ENTPD1: variants seen among roughly 807,000 people sequenced by gnomAD.
The protein encoded by ENTPD1 is ATP diphosphohydrolase.
Under a neutral mutation model 57.0 loss-of-function variants are expected in ENTPD1, and 33 were observed. The ratio of observed to expected loss-of-function variants is 0.58; its 90% confidence interval spans 0.44 to 0.77. The LOEUF (loss-of-function observed/expected upper bound fraction) is 0.77, where lower values mean the gene tolerates loss of function less well. Among genes scored for constraint, ENTPD1 ranks in the 30% least tolerant of loss-of-function variants. The pLI is 0.00. For synonymous variants in ENTPD1, 202 were observed against 218.8 expected, an observed-to-expected ratio of 0.92 and a Z score of 0.68; for missense variants, 501 against 603.4, an observed-to-expected ratio of 0.83 and a Z score of 1.78.
intron 7 of ENTPD1, among the ~76,000 whole-genome samples, chr10:95,853,000 G>A (rs1306112838): frequency 1.3e-5 from 2 of 152,158 alleles, no homozygotes; most frequent in Non-Finnish European, 2.9e-5. Flanking sequence ...GGATGGCATT[G>A]AATCTATAAA....
In ENTPD1 at chr10:95,870,424, A is replaced by T. The variant is rs2141024314; in HGVS notation, c.*4041A>T. ...TGTGCACCTAAGTAGCTAGGACTAC[A>T]GGTGTGCACCACCATGTCTAGCTAT... On this transcript the variant is annotated 3_prime_UTR_variant, in exon 10 of 10. Transcript: ENST00000371205. 1 of 674,856 alleles carries T rather than the reference A, an allele frequency of 1.5e-6. No homozygotes were observed. Among genetic ancestry groups the T allele is most frequent in the Non-Finnish European group, 1.8e-6 (1 of 546,784 alleles). 41.8% of individuals were successfully genotyped at this position (674,856 alleles called of 1,614,324 possible).
chr10:95,808,968 ATCTTGCACCACCC>A (rs1394518244), intron 1 of ENTPD1, among the ~76,000 whole-genome samples: 1 of 152,154 alleles, frequency 6.6e-6, no homozygotes, highest in Admixed American at 6.5e-5. Flanking sequence ...AACAAAGCAC[ATCTTGCACCACCC>A]TTAATCCATT....
At position 95,873,543 on chromosome 10, in the gene ENTPD1, T is replaced by A. The variant is rs562738371; in HGVS notation, c.*7160T>A. 1.7e-5 allele frequency: 17 copies of A among 985,332 alleles called. No homozygotes were observed. The South Asian group carries it at 6.1e-4, about 35-fold the overall frequency. The allele number at this position is 985,332 out of a possible 1,614,324, so 61.0% of individuals were successfully genotyped here. ...AGGCCCATAGGAAAGAGTAGGTAGG[T>A]TATGCCAGCTCACACGCATCCTTTA... On this transcript the variant is annotated 3_prime_UTR_variant, in exon 10 of 10. Coordinates refer to ENST00000371205, the MANE Select transcript of ENTPD1 (RefSeq NM_001776.6).
intron 1 of ENTPD1, among the ~76,000 whole-genome samples, chr10:95,724,138 G>A (rs543019375): frequency 7.0e-6 from 1 of 141,980 alleles, no homozygotes; most frequent in Non-Finnish European, 1.5e-5. Context: ...CTCCAGCCTG[G>A]GTGACAGAGC....
At chr10:95,838,956 T>A (rs375964068) in intron 2 of ENTPD1, among the ~76,000 whole-genome samples, 3 of 152,278 alleles carry the variant, frequency 2.0e-5, no homozygotes, top group African/African-American at 7.2e-5. Flanking sequence ...CCCCTACTCG[T>A]AAAGCTAAAA....
At chr10:95,851,315 T>A (rs1645164191) in intron 7 of ENTPD1, among the ~76,000 whole-genome samples, 2 of 152,192 alleles carry the variant, frequency 1.3e-5, no homozygotes, top group Non-Finnish European at 1.5e-5. Flanking sequence ...TTTATTTTTT[T>A]AATTTTTTTT....
chr10:95,715,196 CTCTT>C (rs1341861421), intron 1 of ENTPD1, among the ~76,000 whole-genome samples: 1 of 152,108 alleles, frequency 6.6e-6, no homozygotes, highest in Admixed American at 6.5e-5. Flanking sequence ...ACCCTCTTGT[CTCTT>C]TCTCCTTTCA....
In ENTPD1 at chr10:95,873,434, C is replaced by G. The variant is rs2098482579; in HGVS notation, c.*7051C>G. ...CCAGCACCTCATACTCAGTGAAGGC[C>G]TGGAGTGCTTAAGAGGGATTTCTTC... On this transcript the variant is annotated 3_prime_UTR_variant, in exon 10 of 10. Transcript: ENST00000371205. The G allele has an allele frequency of 1.0e-6, 1 of 985,446 alleles. No individual in the cohort carries two copies. Among genetic ancestry groups the G allele is most frequent in the Admixed American group, 6.1e-5 (1 of 16,264 alleles). The allele number at this position is 985,446 out of a possible 1,614,324, so 61.0% of individuals were successfully genotyped here.
chr10:95,800,623 T>C (rs1319984791), intron 1 of ENTPD1, among the ~76,000 whole-genome samples: 3 of 152,262 alleles, frequency 2.0e-5, no homozygotes, highest in Non-Finnish European at 4.4e-5. Context: ...TCTATAGACC[T>C]ATCCCCAGGA....
chr10:95,801,140 C>A (rs1038413220), intron 1 of ENTPD1, among the ~76,000 whole-genome samples: 1 of 152,222 alleles, frequency 6.6e-6, no homozygotes, highest in African/African-American at 2.4e-5. Flanking sequence ...TTGGCTCCAG[C>A]TGGTCCCTCT....
intron 1 of ENTPD1, among the ~76,000 whole-genome samples, chr10:95,784,516 T>C (rs755922962): frequency 4.6e-5 from 7 of 152,296 alleles, no homozygotes; most frequent in Non-Finnish European, 1.0e-4. Context: ...AAACTCAGGC[T>C]GTGTTTCCTA....
intron 1 of ENTPD1, 111 bp downstream of exon 1, chr10:95,756,366 A>G (rs1031673055): frequency 8.0e-7 from 1 of 1,243,858 alleles, no homozygotes; most frequent in African/African-American, 1.5e-5. Context: ...AAAAGCCCTG[A>G]ATGAACTTTC....
chr10:95,854,256 T>C (rs1445386103), intron 7 of ENTPD1, among the ~76,000 whole-genome samples: 1 of 152,234 alleles, frequency 6.6e-6, no homozygotes, highest in Non-Finnish European at 1.5e-5. Context: ...GTAGTTTGTA[T>C]TTCTGTGGGA....
Position 95,870,443 on chromosome 10 carries a change from T to C in ENTPD1, c.*4060T>C. On this transcript the variant is annotated 3_prime_UTR_variant, in exon 10 of 10. Transcript: ENST00000371205. ...GACTACAGGTGTGCACCACCATGTC[T>C]AGCTATTTTTTTTTCTGTAGAGACA... 1 of 703,680 alleles carries C rather than the reference T, an allele frequency of 1.4e-6. No individual in the cohort carries two copies. The highest frequency in any genetic ancestry group is 1.7e-6 in the Non-Finnish European group (1 of 573,036). 43.6% of individuals were successfully genotyped at this position (703,680 alleles called of 1,614,324 possible). A position where few individuals can be genotyped will look rare whatever the true frequency, so the allele number is the denominator to read the frequency against.
the ENTPD1 span, among the ~76,000 whole-genome samples, chr10:95,704,904 A>T: frequency 6.6e-6 from 1 of 151,714 alleles, no homozygotes; most frequent in Non-Finnish European, 1.5e-5. Flanking sequence ...ACATACACAC[A>T]TATAAAAAGA....
At chr10:95,746,473 C>T (rs1017206833) in intron 1 of ENTPD1, among the ~76,000 whole-genome samples, 4 of 152,022 alleles carry the variant, frequency 2.6e-5, no homozygotes, top group Admixed American at 1.3e-4. Flanking sequence ...TAAAAAAAAA[C>T]GTGGCTGAAA....
At chr10:95,728,025 T>C (rs556054503) in intron 1 of ENTPD1, among the ~76,000 whole-genome samples, 11 of 152,236 alleles carry the variant, frequency 7.2e-5, no homozygotes, top group Admixed American at 1.3e-4. Context: ...GTTTTAGTTA[T>C]TACAAACTGG....
At chr10:95,837,717 T>A (rs1566216688) in intron 2 of ENTPD1, among the ~76,000 whole-genome samples, 1 of 152,158 alleles carries the variant, frequency 6.6e-6, no homozygotes, top group African/African-American at 2.4e-5. Context: ...GGCTCTACTT[T>A]TAGCTTTTCC....
chr10:95,716,311 A>G (rs544194341), intron 1 of ENTPD1, among the ~76,000 whole-genome samples: 1 of 152,210 alleles, frequency 6.6e-6, no homozygotes, highest in Admixed American at 6.5e-5. Context: ...TTGCTCCACT[A>G]TAGCTCAGTT....
Sources: allele counts gnomAD v4.1 joint callset (sites outside exome capture counted in the v4.1 genomes callset), GRCh38; gene constraint gnomAD v4.1.1; transcripts MANE v1.5; gene names NCBI Gene and HGNC (gene_info 2026-07-23, HGNC 2026-07-21).